Variants in SAMM50 observed in about 807,000 individuals in gnomAD.
The protein encoded by SAMM50 is SAMM50 sorting and assembly machinery component.
Under a neutral mutation model 66.9 loss-of-function variants are expected in SAMM50, and 47 were observed. The ratio of observed to expected loss-of-function variants is 0.70; its 90% CI spans 0.56 to 0.90. The LOEUF (loss-of-function observed/expected upper bound fraction) is 0.90. Ranked by LOEUF, SAMM50 falls within the 40% of genes least tolerant of loss-of-function variation. SAMM50 has a pLI of 0.00. For synonymous variants in SAMM50, 191 were observed against 214.1 expected (o/e 0.89, Z 0.94); for missense variants, 535 against 595.3 (o/e 0.90, Z 1.05).
chr22:43,976,634 G>A (rs560973041), intron 8 of SAMM50, 116 bp from the exon 9 acceptor site: 19 of 760,838 alleles, frequency 2.5e-5, no homozygotes, highest in Admixed American at 1.1e-4. Context: ...CTGTGAACAC[G>A]AAATGACATG....
At chr22:43,964,310 G>A (rs2050161999) in intron 2 of SAMM50, 142 bp from the exon 3 acceptor site, 1 of 515,628 alleles carries the variant, frequency 1.9e-6, no homozygotes, top group African/African-American at 2.0e-5. Flanking sequence ...GTGAAAGATA[G>A]TAAAGTCCAG....
intron 14 of SAMM50, 98 bp from the exon 15 acceptor site, chr22:43,996,240 C>T (rs539463470): frequency 7.9e-4 from 1,032 of 1,306,780 alleles, no homozygotes; most frequent in Non-Finnish European, 9.5e-4. Flanking sequence ...GAGGAGGAAG[C>T]GGAGGCGGCA....
rs191071127 is a variant in SAMM50, at chr22:43,984,847, G to A, written c.1075+847G>A. Among the ~76,000 whole-genome samples the A allele has an allele frequency of 2.7e-3, 413 of 151,044 alleles. 4 individuals are homozygous for A. The highest frequency in any genetic ancestry group is 9.7e-3 in the African/African-American group (394 of 40,562). On this transcript the variant is annotated intron_variant, in intron 12 of 14. Coordinates refer to ENST00000350028, the MANE Select transcript of SAMM50 (RefSeq NM_015380.5). Reference sequence around the variant, plus strand: ...GGGTTTCATTATGTTGGCCAGACTGGTCTTGAACTCCTGACCTCGTGATCC... The same window carrying A: ...GGGTTTCATTATGTTGGCCAGACTGATCTTGAACTCCTGACCTCGTGATCC...
chr22:43,963,133 T>TTTTACTC (rs1385852221), intron 1 of SAMM50, 153 bp from the exon 2 acceptor site: 2 of 502,834 alleles, frequency 4.0e-6, no homozygotes, highest in East Asian at 6.3e-5. Flanking sequence ...GACGGCACCT[T>TTTTACTC]TTTACTCCCT....
At chr22:43,956,500 TC>T (rs2050120242) in intron 1 of SAMM50, among the ~76,000 whole-genome samples, 1 of 152,244 alleles carries the variant, frequency 6.6e-6, no homozygotes, top group South Asian at 2.1e-4. Flanking sequence ...TCTTCTGACA[TC>T]TCTTTGTGTA....
chr22:43,976,672 G>A, intron 8 of SAMM50, 78 bp from the exon 9 acceptor site: 1 of 1,012,410 alleles, frequency 9.9e-7, no homozygotes, highest in Non-Finnish European at 1.6e-6. Context: ...GCGTGGTGTG[G>A]CCCACGTGCT....
intron 4 of SAMM50, among the ~76,000 whole-genome samples, chr22:43,971,827 C>T (rs1218705804): frequency 6.6e-6 from 1 of 152,106 alleles, no homozygotes; most frequent in East Asian, 1.9e-4. Context: ...CTTCTCACCT[C>T]AGCCTCCCGA....
intron 13 of SAMM50, 80 bp downstream of exon 13, chr22:43,989,337 G>GTAT: frequency 1.7e-5 from 18 of 1,032,692 alleles, no homozygotes; most frequent in East Asian, 3.2e-5. Flanking sequence ...AGAGGTGTCT[G>GTAT]TCTTTTTTTT....
At chr22:43,994,447 G>A (rs1569037798) in intron 14 of SAMM50, among the ~76,000 whole-genome samples, 1 of 152,202 alleles carries the variant, frequency 6.6e-6, no homozygotes, top group Non-Finnish European at 1.5e-5. Flanking sequence ...CAGGTGGAGA[G>A]GCTCCTGGCG....
chr22:43,973,616 G>A (rs1371354300), intron 7 of SAMM50, among the ~76,000 whole-genome samples: 1 of 152,114 alleles, frequency 6.6e-6, no homozygotes, highest in African/African-American at 2.4e-5. Flanking sequence ...CAGCAGAGTT[G>A]GTCAGATCAC....
intron 4 of SAMM50, among the ~76,000 whole-genome samples, chr22:43,969,161 G>T (rs2050190680): frequency 6.6e-6 from 1 of 152,138 alleles, no homozygotes; most frequent in South Asian, 2.1e-4. Flanking sequence ...AGATACTGTT[G>T]TGTGAAGCCC....
Position 43,964,476 on chromosome 22 carries a change from G to C in SAMM50, c.157G>C (p.Asp53His), listed in dbSNP as rs1028359521. ...KDVVVQHVHFDGLGRTKDDII... is the reference protein window; with the variant it reads ...KDVVVQHVHFHGLGRTKDDII... ...GGTGGTTGTTCAACATGTTCATTTT[G>C]ATGGACTTGGAAGGACTAAAGATGA... The change falls in exon 3 of 15, where the codon GAT becomes CAT. Residue 53 changes from aspartate (D) to histidine (H), a missense_variant. Transcript: ENST00000350028. 1 of 1,610,508 alleles carries C rather than the reference G, an allele frequency of 6.2e-7. No individual in the cohort carries two copies. Among genetic ancestry groups the C allele is most frequent in the African/African-American group, 1.3e-5 (1 of 74,816 alleles).
intron 3 of SAMM50, among the ~76,000 whole-genome samples, chr22:43,967,054 T>C (rs1007715214): frequency 1.3e-5 from 2 of 152,220 alleles, no homozygotes; most frequent in African/African-American, 4.8e-5. Flanking sequence ...CCTGGGTTGC[T>C]TTTTCTGTCT....
At chr22:43,985,502 C>T (rs2050287702) in intron 12 of SAMM50, among the ~76,000 whole-genome samples, 1 of 152,004 alleles carries the variant, frequency 6.6e-6, no homozygotes. Flanking sequence ...CACTTAAGGT[C>T]CCTCCATGTC....
At position 43,966,362 on chromosome 22, in the gene SAMM50, C is replaced by CT. The variant is rs957029274; in HGVS notation, c.234+1821dup. 2.2e-3 allele frequency among the ~76,000 whole-genome samples: 316 copies of CT among 146,108 alleles called. 1 individual carries two copies. Among genetic ancestry groups the CT allele is most frequent in the Middle Eastern group, 3.6e-3 (1 of 278 alleles). On this transcript the variant is annotated intron_variant, in intron 3 of 14. Transcript: ENST00000350028. Reference sequence around the variant, plus strand: ...CAAAGAGATTGCACAAGTCCACTGTCTTTTTTTTTTTTGAGACGGAGTTTC... The same window carrying CT: ...CAAAGAGATTGCACAAGTCCACTGTCTTTTTTTTTTTTTGAGACGGAGTTTC...
At chr22:43,956,775 G>A (rs1443624376) in intron 1 of SAMM50, among the ~76,000 whole-genome samples, 1 of 152,160 alleles carries the variant, frequency 6.6e-6, no homozygotes, top group Non-Finnish European at 1.5e-5. Flanking sequence ...CCTCTGTTGC[G>A]GGGAGGAGTC....
chr22:43,977,592 T>C (rs1264087419), intron 9 of SAMM50, among the ~76,000 whole-genome samples: 2 of 152,156 alleles, frequency 1.3e-5, no homozygotes, highest in Non-Finnish European at 2.9e-5. Context: ...AGCCAAGCCG[T>C]CTGTGCTGAG....
chr22:43,968,088 G>A lies in SAMM50; in HGVS notation c.235-643G>A, dbSNP rs546119541. Among the ~76,000 whole-genome samples, 66 of 151,900 alleles carry A rather than the reference G, an allele frequency of 4.3e-4. 1 individual carries two copies. Among genetic ancestry groups the A allele is most frequent in the Non-Finnish European group, 7.1e-4 (48 of 67,904 alleles). On this transcript the variant is annotated intron_variant, in intron 3 of 14. Coordinates refer to ENST00000350028, the MANE Select transcript of SAMM50 (RefSeq NM_015380.5). ...CATACAAAAAAAAAATTCGCTTGGC[G>A]TGGTGGTCTGTGCCTGCAATCCCAG...
In SAMM50 at chr22:43,957,766, T is replaced by G. The variant is rs78169913; in HGVS notation, c.21+2168T>G. 8.2e-3 allele frequency among the ~76,000 whole-genome samples: 1,232 copies of G among 150,950 alleles called. 13 individuals carry two copies. Among genetic ancestry groups the G allele is most frequent in the African/African-American group, 0.028 (1,162 of 40,984 alleles). Reference sequence around the variant, plus strand: ...TGTCCAGATGTCCAGAATAATTTTTTTTGTTGTTGTTGAGACAGAGTCTTG... The same window carrying G: ...TGTCCAGATGTCCAGAATAATTTTTGTTGTTGTTGTTGAGACAGAGTCTTG... On this transcript the variant is annotated intron_variant, in intron 1 of 14. Coordinates refer to ENST00000350028, the MANE Select transcript of SAMM50 (RefSeq NM_015380.5).
Sources: gnomAD v4.1 joint callset for allele counts (sites outside exome capture counted in the v4.1 genomes callset) on GRCh38, gnomAD v4.1.1 for gene constraint, MANE v1.5 for transcripts, NCBI Gene and HGNC (gene_info 2026-07-23, HGNC 2026-07-21) for gene names.